MCMBP: variants seen among roughly 807,000 people sequenced by gnomAD.
The protein encoded by MCMBP is mini-chromosome maintenance complex-binding protein.
In MCMBP, 31 loss-of-function variants were observed where a neutral mutation model predicts 81.3. That is an observed-to-expected ratio of 0.38 (90% CI 0.29 to 0.51). The LOEUF is 0.51. Among genes scored for constraint, MCMBP ranks in the 20% least tolerant of loss-of-function variants. MCMBP has a pLI of 0.87. For synonymous variants in MCMBP, 267 were observed against 275.9 expected, an observed-to-expected ratio of 0.97 and a Z score of 0.32; for missense variants, 645 against 772.1, an observed-to-expected ratio of 0.84 and a Z score of 1.95.
intron 6 of MCMBP, 27 bp from the exon 7 acceptor site, chr10:119,849,603 T>TA (rs1313499435): frequency 1.3e-6 from 2 of 1,532,694 alleles, no homozygotes; most frequent in East Asian, 2.5e-5. Context: ...GCATTGCACT[T>TA]AGTCATTTCT....
intron 7 of MCMBP, 106 bp downstream of exon 7, chr10:119,849,319 G>T: frequency 8.4e-7 from 1 of 1,185,508 alleles, no homozygotes; most frequent in Non-Finnish European, 1.2e-6. Flanking sequence ...GCAGTGATTT[G>T]CTATAGCTAG....
intron 11 of MCMBP, 127 bp from the exon 12 acceptor site, chr10:119,838,827 A>G: frequency 2.5e-6 from 2 of 790,156 alleles, no homozygotes; most frequent in Non-Finnish European, 3.7e-6. Flanking sequence ...GGGAGTAGTG[A>G]TATGGTTTCT....
intron 8 of MCMBP, among the ~76,000 whole-genome samples, chr10:119,845,007 G>A (rs1852568361): frequency 1.3e-5 from 2 of 152,250 alleles, no homozygotes; most frequent in Non-Finnish European, 2.9e-5. Flanking sequence ...TTGTGATCAT[G>A]TGAGTCATTC....
chr10:119,848,512 C>G (rs1381767021), intron 7 of MCMBP, among the ~76,000 whole-genome samples: 1 of 152,084 alleles, frequency 6.6e-6, no homozygotes, highest in African/African-American at 2.4e-5. Flanking sequence ...ACTCAGGAGG[C>G]TGAGGCACGA....
chr10:119,854,963 A>AT (rs1456483349), intron 5 of MCMBP, among the ~76,000 whole-genome samples: 132 of 151,260 alleles, frequency 8.7e-4, no homozygotes, highest in African/African-American at 2.9e-3. Context: ...AAAAAAAAAA[A>AT]AAAAAAAAAT....
rs1001244627 is a variant in MCMBP at position 119,854,493 on chromosome 10, A to T, written c.430-1299T>A. Among the ~76,000 whole-genome samples the T allele has an allele frequency of 5.3e-5, 8 of 151,130 alleles. No individual in the cohort carries two copies. The South Asian group carries it at 1.7e-3, about 32-fold the overall frequency. On this transcript the variant is annotated intron_variant, in intron 5 of 15. Coordinates refer to ENST00000369077, the MANE Select transcript of MCMBP (RefSeq NM_001256378.2). ...TGAGGCGGGTAGATCACTTGAGCTC[A>T]GGAGTTCGAGACCAGCCTGGGCAAC...
At chr10:119,864,071 G>A (rs552446849) in intron 1 of MCMBP, among the ~76,000 whole-genome samples, 1 of 152,116 alleles carries the variant, frequency 6.6e-6, no homozygotes, top group Non-Finnish European at 1.5e-5. Context: ...GGAAGGATGT[G>A]GCAAAAGAGG....
chr10:119,859,281 C>T, intron 2 of MCMBP, 100 bp from the exon 3 acceptor site: 1 of 525,018 alleles, frequency 1.9e-6, no homozygotes. Context: ...CTGTTACACA[C>T]ACACACACAC....
chr10:119,864,819 T>C (rs979031620), intron 1 of MCMBP, among the ~76,000 whole-genome samples: 10 of 152,236 alleles, frequency 6.6e-5, no homozygotes, highest in East Asian at 1.9e-4. Context: ...TTTTGGTATG[T>C]TGAGTTTTCA....
At chr10:119,866,525 C>G (rs1284588214) in intron 1 of MCMBP, among the ~76,000 whole-genome samples, 1 of 152,120 alleles carries the variant, frequency 6.6e-6, no homozygotes, top group African/African-American at 2.4e-5. Flanking sequence ...ACTTGGGAGG[C>G]TGAGGCAAGA....
chr10:119,852,049 G>C (rs576558628), intron 6 of MCMBP, among the ~76,000 whole-genome samples: 1 of 150,556 alleles, frequency 6.6e-6, no homozygotes, highest in African/African-American at 2.4e-5. Context: ...CTACTCAGGA[G>C]GCTGAGGCAG....
chr10:119,872,975 C>T (rs2475318), upstream of MCMBP: 46,241 of 151,614 alleles, frequency 0.3, 7,367 homozygotes, highest in East Asian at 0.54. Flanking sequence ...GCGCCGCCAT[C>T]TTGGAGACGG....
intron 11 of MCMBP, among the ~76,000 whole-genome samples, chr10:119,840,523 G>C (rs1006793835): frequency 6.6e-6 from 1 of 152,156 alleles, no homozygotes; most frequent in African/African-American, 2.4e-5. Flanking sequence ...CTACAATTTA[G>C]AGTTTATTTA....
Position 119,837,033 on chromosome 10 carries a change from C to G in MCMBP, c.1409-4G>C. 6.2e-7 allele frequency: 1 copy of G among 1,611,594 alleles called. No individual in the cohort carries two copies. On this transcript the variant is annotated splice_polypyrimidine_tract_variant and splice_region_variant and intron_variant, in intron 12 of 15. Coordinates refer to ENST00000369077, the MANE Select transcript of MCMBP (RefSeq NM_001256378.2). ...AGGGCTGTCACATTATGAACACCTA[C>G]AAAGGCAGGAAAACACTTTCAGTCA...
At chr10:119,869,695 C>T (rs1182248330) in intron 1 of MCMBP, among the ~76,000 whole-genome samples, 1 of 152,172 alleles carries the variant, frequency 6.6e-6, no homozygotes, top group Non-Finnish European at 1.5e-5. Context: ...CACACTGTTG[C>T]ACTCCAGCCT....
chr10:119,873,088 G>T (rs376422995), upstream of MCMBP, among the ~76,000 whole-genome samples: 13 of 152,092 alleles, frequency 8.5e-5, no homozygotes, highest in Admixed American at 5.2e-4. Context: ...GGGCCGGCGT[G>T]TAGCGGGAAC....
chr10:119,870,206 T>C (rs59144734), intron 1 of MCMBP, among the ~76,000 whole-genome samples: 59 of 152,286 alleles, frequency 3.9e-4, no homozygotes, highest in African/African-American at 1.3e-3. Flanking sequence ...CCCAGCACTT[T>C]GAGAGGCCGA....
chr10:119,853,159 G>A lies in MCMBP; in HGVS notation c.465C>T (p.Pro155=), dbSNP rs1194006886. The A allele has an allele frequency of 6.2e-7, 1 of 1,614,080 alleles. No individual in the cohort carries two copies. The highest frequency in any genetic ancestry group is 8.5e-7 in the Non-Finnish European group (1 of 1,179,976). ...GGCGACTAGGAGTGTAGGATGTTGA[G>A]GGACTGACTCGAGCTTGGTTTGCAT... ...YVNANQARVS[P]STSYTPSRHK... is the part of the protein sequence containing the mutation. Residue 155 remains proline, a synonymous_variant, in exon 6 of 16, where the codon CCC becomes CCT. Coordinates refer to ENST00000369077, the MANE Select transcript of MCMBP (RefSeq NM_001256378.2).
At chr10:119,831,837 A>G (rs1177384288) in intron 15 of MCMBP, among the ~76,000 whole-genome samples, 175 bp downstream of exon 15, 1 of 152,230 alleles carries the variant, frequency 6.6e-6, no homozygotes, top group Non-Finnish European at 1.5e-5. Flanking sequence ...TGCCTGTTCC[A>G]CTGAAGAGAT....
Sources: gnomAD v4.1 joint callset for allele counts (sites outside exome capture counted in the v4.1 genomes callset) on GRCh38, gnomAD v4.1.1 for gene constraint, MANE v1.5 for transcripts, NCBI Gene and HGNC (gene_info 2026-07-23, HGNC 2026-07-21) for gene names.